Variants in IFI44 observed in about 807,000 individuals in gnomAD.
The protein encoded by IFI44 is interferon-induced protein 44.
In IFI44, 42 loss-of-function variants were observed where a neutral mutation model predicts 45.0. The ratio of observed to expected loss-of-function variants is 0.93; its 90% CI spans 0.73 to 1.21. The LOEUF is 1.21. Among genes scored for constraint, IFI44 ranks in the 50% most tolerant of loss-of-function variants. The pLI is 0.00. For synonymous variants in IFI44, 221 were observed against 188.6 expected (o/e 1.17, Z -1.41); for missense variants, 623 against 525.8 (o/e 1.18, Z -1.81).
intron 8 of IFI44, 187 bp from the exon 9 acceptor site, chr1:78,663,578 C>A: frequency 1.0e-6 from 1 of 985,340 alleles, no homozygotes; most frequent in African/African-American, 1.7e-5. Flanking sequence ...TGCTGGGAAA[C>A]TCTCATGTTA....
At chr1:78,654,811 G>A (rs1647181315) in intron 3 of IFI44, among the ~76,000 whole-genome samples, 1 of 151,914 alleles carries the variant, frequency 6.6e-6, no homozygotes. Context: ...AAGATTTTAT[G>A]TCTGGCTTTA....
chr1:78,662,614 C>T, intron 7 of IFI44, 90 bp from the exon 8 acceptor site: 1 of 1,013,224 alleles, frequency 9.9e-7, no homozygotes, highest in Non-Finnish European at 1.4e-6. Flanking sequence ...TTGCAAGTTC[C>T]TACATCTTGA....
intron 8 of IFI44, chr1:78,663,103 C>T (rs1647563373): frequency 1.0e-6 from 1 of 984,976 alleles, no homozygotes; most frequent in Non-Finnish European, 1.2e-6. Context: ...CCCTTTTTGT[C>T]TTGAGATGAA....
intron 2 of IFI44, among the ~76,000 whole-genome samples, chr1:78,652,590 G>A (rs1467930887): frequency 3.9e-5 from 6 of 152,174 alleles, no homozygotes; most frequent in Admixed American, 1.3e-4. Flanking sequence ...GAATGTATCT[G>A]TCTAGCTGCT....
chr1:78,655,633 T>C (rs1027505105), intron 5 of IFI44, 122 bp downstream of exon 5: 5 of 919,344 alleles, frequency 5.4e-6, no homozygotes, highest in Non-Finnish European at 7.8e-6. Context: ...TTTAGATTTT[T>C]TTTTTCAAAA....
In IFI44 at chr1:78,655,572, G is replaced by A. The variant is rs1647194824; in HGVS notation, c.840+61G>A. 10 of 1,412,566 alleles carry A rather than the reference G, an allele frequency of 7.1e-6. No individual in the cohort carries two copies. The South Asian group carries it at 1.2e-4, about 17-fold the overall frequency. The allele number at this position is 1,412,566 out of a possible 1,614,324, so 87.5% of individuals were successfully genotyped here. The stretch of plus-strand genomic sequence containing the variant: ...TTAAAATGCTTATTTTTGTACAAAT[G>A]TATCAGCGTTTATCTTCTTAAATTA... On this transcript the variant is annotated intron_variant, in intron 5 of 8. Coordinates refer to ENST00000370747, the MANE Select transcript of IFI44 (RefSeq NM_006417.5).
chr1:78,650,228 C>A lies in IFI44; in HGVS notation c.33C>A (p.His11Gln). Reference protein sequence around the residue: MAVTTRLTWLHEKILQNHFGG... With the variant: MAVTTRLTWLQEKILQNHFGG... ...TGACAACTCGTTTGACATGGTTGCACGAAAAGATCCTGCAAAATCATTTTG... is the reference window on the plus strand; with the variant it reads ...TGACAACTCGTTTGACATGGTTGCAAGAAAAGATCCTGCAAAATCATTTTG... The change falls in exon 2 of 9, where the codon CAC (histidine) becomes CAA (glutamine). Residue 11 changes from histidine to glutamine, a missense_variant. By Grantham distance (24) the His-to-Gln change is conservative. Transcript: ENST00000370747. 2 of 1,606,340 alleles carry A rather than the reference C, an allele frequency of 1.2e-6. No individual in the cohort carries two copies. Among genetic ancestry groups the A allele is most frequent in the South Asian group, 1.1e-5 (1 of 90,732 alleles).
At chr1:78,651,074 A>G (rs1478504149) in intron 2 of IFI44, among the ~76,000 whole-genome samples, 1 of 152,218 alleles carries the variant, frequency 6.6e-6, no homozygotes, top group African/African-American at 2.4e-5. Context: ...ACGACTTACC[A>G]TGTACCAGCA....
chr1:78,663,556 T>C, intron 8 of IFI44: 1 of 985,276 alleles, frequency 1.0e-6, no homozygotes, highest in Non-Finnish European at 1.2e-6. Context: ...TCCAATTCTC[T>C]CTTACTCAAA....
At position 78,663,919 on chromosome 1, in the gene IFI44, A is replaced by T; in HGVS notation, c.*108A>T. ...ATCTAAGACCAAAGGGATGTGTTTT[A>T]TTAATGTCTAGGATGAAGAAATGCA... On this transcript the variant is annotated 3_prime_UTR_variant, in exon 9 of 9. Coordinates refer to ENST00000370747, the MANE Select transcript of IFI44 (RefSeq NM_006417.5). 2 of 959,362 alleles carry T rather than the reference A, an allele frequency of 2.1e-6. No homozygotes were observed. Among genetic ancestry groups the T allele is most frequent in the Non-Finnish European group, 3.1e-6 (2 of 653,692 alleles). 59.4% of individuals were successfully genotyped at this position (959,362 alleles called of 1,614,324 possible).
At chr1:78,661,979 T>C (rs1280520357) in intron 7 of IFI44, among the ~76,000 whole-genome samples, 1 of 152,174 alleles carries the variant, frequency 6.6e-6, no homozygotes, top group Non-Finnish European at 1.5e-5. Context: ...GTAATTTTAT[T>C]TAATTAGGAG....
chr1:78,662,459 T>G (rs1647516271), intron 7 of IFI44, among the ~76,000 whole-genome samples: 2 of 152,204 alleles, frequency 1.3e-5, no homozygotes, highest in South Asian at 4.1e-4. Flanking sequence ...AGGATAGGTG[T>G]CATAAAAATT....
chr1:78,663,823 G>T lies in IFI44; in HGVS notation c.*12G>T. On this transcript the variant is annotated 3_prime_UTR_variant, in exon 9 of 9. Transcript: ENST00000370747. ...AAGGAAAAAAATAGATATGTGAAAG[G>T]TTCACGTAAATTTCCTCACATCACA... 2 of 1,610,022 alleles carry T rather than the reference G, an allele frequency of 1.2e-6. No individual in the cohort carries two copies. Among genetic ancestry groups the T allele is most frequent in the South Asian group, 1.1e-5 (1 of 90,456 alleles).
chr1:78,662,187 T>G (rs1647498479), intron 7 of IFI44, among the ~76,000 whole-genome samples: 1 of 152,164 alleles, frequency 6.6e-6, no homozygotes, highest in Non-Finnish European at 1.5e-5. Flanking sequence ...GTGATAGATT[T>G]TCTTAATCAG....
chr1:78,661,144 C>G (rs1181028623), intron 7 of IFI44, among the ~76,000 whole-genome samples: 1 of 152,066 alleles, frequency 6.6e-6, no homozygotes, highest in Admixed American at 6.6e-5. Context: ...CTCACTGCAA[C>G]CTCCGCCTCC....
chr1:78,653,677 G>A (rs1647158997), intron 2 of IFI44, among the ~76,000 whole-genome samples: 1 of 152,144 alleles, frequency 6.6e-6, no homozygotes, highest in Admixed American at 6.6e-5. Context: ...ACTGTGCTCT[G>A]GTTGGGTAGG....
rs1647171682 is a variant in IFI44, at chr1:78,654,342, G to T, written c.494+63G>T. 9.2e-6 allele frequency: 8 copies of T among 865,894 alleles called. No individual in the cohort carries two copies. The South Asian group carries it at 1.1e-4, about 12-fold the overall frequency. The allele number at this position is 865,894 out of a possible 1,614,324, so 53.6% of individuals were successfully genotyped here. ...TTATCTTTGACTTATTCTATGATAG[G>T]TCTCATCAATATAATTGGCAACACA... On this transcript the variant is annotated intron_variant, in intron 3 of 8. Transcript: ENST00000370747.
Position 78,659,070 on chromosome 1 carries a change from C to T in IFI44, c.841-242C>T, listed in dbSNP as rs560743794. On this transcript the variant is annotated intron_variant, in intron 5 of 8. Coordinates refer to ENST00000370747, the MANE Select transcript of IFI44 (RefSeq NM_006417.5). ...ATCCTTATTCTCTTTAGCAGACTCA[C>T]TCCTGCTATTTTAGCTCTCAGATTA... 3.3e-5 allele frequency among the ~76,000 whole-genome samples: 5 copies of T among 152,168 alleles called. No homozygotes were observed. In the South Asian group the frequency reaches 8.3e-4, roughly 25 times the overall value.
chr1:78,653,603 A>T lies in IFI44; in HGVS notation c.458-640A>T, dbSNP rs545142732. Among the ~76,000 whole-genome samples the T allele has an allele frequency of 1.1e-4, 17 of 152,282 alleles. No individual in the cohort carries two copies. The South Asian group carries it at 3.5e-3, about 32-fold the overall frequency. On this transcript the variant is annotated intron_variant, in intron 2 of 8. Coordinates refer to ENST00000370747, the MANE Select transcript of IFI44 (RefSeq NM_006417.5). ...ACCATAAAAATGTCTCTTTCCAAAA[A>T]AAAAATTCTGAGCCCGTGCCTTATT...
Sources: gnomAD v4.1 joint callset for allele counts (sites outside exome capture counted in the v4.1 genomes callset) on GRCh38, gnomAD v4.1.1 for gene constraint, MANE v1.5 for transcripts, NCBI Gene and HGNC (gene_info 2026-07-23, HGNC 2026-07-21) for gene names.